Variants in TLR5 observed in about 807,000 individuals in gnomAD.
TLR5 encodes toll-like receptor 5.
For missense variants in TLR5, 944 were observed against 999.8 expected, an observed-to-expected ratio of 0.94 and a Z score of 0.75; for synonymous variants, 373 against 384.4, an observed-to-expected ratio of 0.97 and a Z score of 0.35.
Position 223,112,891 on chromosome 1 carries a change from G to A in TLR5, c.141C>T (p.Thr47=), listed in dbSNP as rs765162260. The change falls in exon 6 of 6, where the codon ACC becomes ACT. Residue 47 remains threonine (T), a synonymous_variant. Transcript: ENST00000642603. ...NLTQVPQVLN[T]TERLLLSFNY... The stretch of plus-strand genomic sequence containing the variant: ...TGAAGCTCAGCAGGAGCCTCTCAGT[G>A]GTGTTGAGGACCTGGGGGACCTGGG... 6.8e-6 allele frequency: 11 copies of A among 1,614,082 alleles called. No homozygotes were observed. Among genetic ancestry groups the A allele is most frequent in the Admixed American group, 5.0e-5 (3 of 60,008 alleles).
Position 223,112,038 on chromosome 1 carries a change from A to C in TLR5, c.994T>G (p.Phe332Val). The change falls in exon 6 of 6, where the codon TTT becomes GTT. Residue 332 changes from phenylalanine to valine, a missense_variant. Coordinates refer to ENST00000642603, the MANE Select transcript of TLR5 (RefSeq NM_003268.6). ...NKINKIADEA[F>V]YGLDNLQVLN... is the part of the protein sequence containing the mutation. ...ACTTGGAGGTTGTCAAGTCCGTAAA[A>C]TGCTTCATCTGCAATCTTATTTATC... 1 of 1,614,216 alleles carries C rather than the reference A, an allele frequency of 6.2e-7. No homozygotes were observed. Among genetic ancestry groups the C allele is most frequent in the Non-Finnish European group, 8.5e-7 (1 of 1,180,038 alleles).
In TLR5 at chr1:223,138,232, C is replaced by T. The variant is rs1264216356; in HGVS notation, c.-438-969G>A. On this transcript the variant is annotated intron_variant, in intron 2 of 5. Coordinates refer to ENST00000642603, the MANE Select transcript of TLR5 (RefSeq NM_003268.6). The stretch of plus-strand genomic sequence containing the variant: ...CCTACCTTGGCCTCCCAAGGTATTA[C>T]AGGCATGAACTACTGTACCCAGCCT... Among the ~76,000 whole-genome samples the T allele has an allele frequency of 2.6e-5, 4 of 151,434 alleles. No individual in the cohort carries two copies. In the South Asian group the frequency reaches 8.3e-4, roughly 32 times the overall value.
In TLR5 at chr1:223,131,480, T is replaced by TC. The variant is rs2102922394; in HGVS notation, c.-5+994dup. Reference sequence around the variant, plus strand: ...TCTCATCTGCTCATCCCATTCCAACTCCCCCGTCAAAGGCCACCTCAGAAG... The same window carrying TC: ...TCTCATCTGCTCATCCCATTCCAACTCCCCCCGTCAAAGGCCACCTCAGAAG... On this transcript the variant is annotated intron_variant, in intron 5 of 5. Transcript: ENST00000642603. This position sits in a 1 kb window ranked among gnomAD's most constrained non-coding sequence, Gnocchi z 4.2. Among the ~76,000 whole-genome samples, 1 of 152,256 alleles carries TC rather than the reference T, an allele frequency of 6.6e-6. No individual in the cohort carries two copies. Among genetic ancestry groups the TC allele is most frequent in the African/African-American group, 2.4e-5 (1 of 41,554 alleles).
chr1:223,113,114 A>G, intron 5 of TLR5, 79 bp from the exon 6 acceptor site: 1 of 1,365,318 alleles, frequency 7.3e-7, no homozygotes, highest in Non-Finnish European at 1.0e-6. Flanking sequence ...TCTTGGGGGT[A>G]TTCTCTATGA....
chr1:223,139,424 C>A (rs1418145), intron 2 of TLR5, among the ~76,000 whole-genome samples: 11,738 of 152,168 alleles, frequency 0.077, 748 homozygotes, highest in African/African-American at 0.17. Flanking sequence ...CTGTTAGAGG[C>A]TGTGCAGGGT....
chr1:223,110,676 C>T lies in TLR5; in HGVS notation c.2356G>A (p.Ala786Thr). The part of the protein sequence containing the change: ...QGRCLSDLNS[A>T]LIMVVVGSLS... ...GACCCAACCACCACCATGATGAGAG[C>T]ACTGTTAAGGTCAGATAAGCACCTG... The change falls in exon 6 of 6, where the codon GCT becomes ACT. Residue 786 changes from alanine (A) to threonine (T), a missense_variant. Transcript: ENST00000642603. 2 of 1,614,142 alleles carry T rather than the reference C, an allele frequency of 1.2e-6. No individual in the cohort carries two copies. The highest frequency in any genetic ancestry group is 2.7e-5 in the African/African-American group (2 of 75,032).
Position 223,110,382 on chromosome 1 carries a change from A to G in TLR5, c.*73T>C. 2 of 1,561,838 alleles carry G rather than the reference A, an allele frequency of 1.3e-6. No individual in the cohort carries two copies. The highest frequency in any genetic ancestry group is 1.8e-6 in the Non-Finnish European group (2 of 1,139,078). On this transcript the variant is annotated 3_prime_UTR_variant, in exon 6 of 6. Coordinates refer to ENST00000642603, the MANE Select transcript of TLR5 (RefSeq NM_003268.6). Reference sequence around the variant, plus strand: ...AAAAAACCTCCAGAGAGGACCCCAAAATGATAACTTGGTGCAAATACAAAG... The same window carrying G: ...AAAAAACCTCCAGAGAGGACCCCAAGATGATAACTTGGTGCAAATACAAAG...
intron 2 of TLR5, among the ~76,000 whole-genome samples, chr1:223,137,696 C>G (rs187712072): frequency 6.6e-6 from 1 of 152,106 alleles, no homozygotes; most frequent in African/African-American, 2.4e-5. Flanking sequence ...GAAATATAAC[C>G]AAGTGAACAA....
At chr1:223,134,947 G>A (rs1414047233) in intron 3 of TLR5, 83 bp from the exon 4 acceptor site, 1 of 152,436 alleles carries the variant, frequency 6.6e-6, no homozygotes, top group Non-Finnish European at 1.5e-5. Context: ...GCTGGGGTGG[G>A]GGTGGTGACC....
In TLR5 at chr1:223,116,313, G is replaced by C. The variant is rs143692976; in HGVS notation, c.-4-3278C>G. 4.6e-3 allele frequency among the ~76,000 whole-genome samples: 707 copies of C among 152,222 alleles called. 21 individuals are homozygous for C. The East Asian group carries it at 0.066, about 14-fold the overall frequency. Reference sequence around the variant, plus strand: ...ACGTGTTCGGAGTTTCTTCCTTCTGGGGGGCTCATGGCCTCGCTGGCTTCA... The same window carrying C: ...ACGTGTTCGGAGTTTCTTCCTTCTGCGGGGCTCATGGCCTCGCTGGCTTCA... On this transcript the variant is annotated intron_variant, in intron 5 of 5. Transcript: ENST00000642603.
At chr1:223,116,263 G>C (rs1366029666) in intron 5 of TLR5, among the ~76,000 whole-genome samples, 1 of 152,124 alleles carries the variant, frequency 6.6e-6, no homozygotes, top group Admixed American at 6.5e-5. Context: ...TGGTGTGTCT[G>C]GGATTTGTTC....
Position 223,111,562 on chromosome 1 carries a change from T to C in TLR5, c.1470A>G (p.Glu490=), listed in dbSNP as rs763433759. 1.9e-6 allele frequency: 3 copies of C among 1,614,022 alleles called. No homozygotes were observed. In the Admixed American group the frequency reaches 5.0e-5, roughly 27 times the overall value. Residue 490 remains glutamate, a synonymous_variant, in exon 6 of 6, where the codon GAA becomes GAG. Transcript: ENST00000642603. ...CAAAAACATCCCAACAGAGCTCAGT[T>C]TCCCAGGCAAGTTGCAACATATTTT... The part of the protein sequence containing the change: ...LGENMLQLAW[E]TELCWDVFEG...
In TLR5 at chr1:223,132,597, A is replaced by G. The variant is rs145406434; in HGVS notation, c.-127T>C. 1 of 152,406 alleles carries G rather than the reference A, an allele frequency of 6.6e-6. No individual in the cohort carries two copies. Among genetic ancestry groups the G allele is most frequent in the African/African-American group, 2.4e-5 (1 of 41,564 alleles). 9.4% of individuals were successfully genotyped at this position (152,406 alleles called of 1,614,324 possible). ...TCTCATCACAGTGATGGTAGTCAGTATTTTATTTTTTGGTGAATCAGGAGA... is the reference window on the plus strand; with the variant it reads ...TCTCATCACAGTGATGGTAGTCAGTGTTTTATTTTTTGGTGAATCAGGAGA... On this transcript the variant is annotated 5_prime_UTR_variant, in exon 5 of 6. Coordinates refer to ENST00000642603, the MANE Select transcript of TLR5 (RefSeq NM_003268.6).
At chr1:223,139,798 T>C (rs1657763573) in intron 2 of TLR5, among the ~76,000 whole-genome samples, 1 of 152,204 alleles carries the variant, frequency 6.6e-6, no homozygotes, top group Non-Finnish European at 1.5e-5. Context: ...TCAAGGCCTC[T>C]AGGAATTGGC....
At position 223,112,602 on chromosome 1, in the gene TLR5, A is replaced by C; in HGVS notation, c.430T>G (p.Leu144Val). Residue 144 changes from leucine to valine, a missense_variant, in exon 6 of 6, where the codon TTA becomes GTA. Leu to Val is a conservative substitution (Grantham distance 32). Transcript: ENST00000642603. Reference sequence around the variant, plus strand: ...AGATCCAAGCGAGTTAAAGCCTTTAAATTTCTGAAATAACCATCTTTCAAT... The same window carrying C: ...AGATCCAAGCGAGTTAAAGCCTTTACATTTCTGAAATAACCATCTTTCAAT... ...AVLKDGYFRN[L>V]KALTRLDLSK... 6.2e-7 allele frequency: 1 copy of C among 1,614,242 alleles called. No individual in the cohort carries two copies. The highest frequency in any genetic ancestry group is 8.5e-7 in the Non-Finnish European group (1 of 1,180,044).
chr1:223,130,803 A>C (rs1173825562), intron 5 of TLR5, among the ~76,000 whole-genome samples: 2 of 152,196 alleles, frequency 1.3e-5, no homozygotes, highest in African/African-American at 4.8e-5. Context: ...CTGGTCAGAC[A>C]CTGCCTGATA....
intron 5 of TLR5, chr1:223,127,717 A>C (rs1002093423): frequency 7.2e-5 from 11 of 152,250 alleles, no homozygotes; most frequent in African/African-American, 2.4e-4. Context: ...GCTCTGCTGG[A>C]GTGATCGCTT....
chr1:223,116,271 T>C (rs914504052), intron 5 of TLR5, among the ~76,000 whole-genome samples: 13 of 152,110 alleles, frequency 8.5e-5, no homozygotes, highest in Admixed American at 2.0e-4. Flanking sequence ...CTGGGATTTG[T>C]TCCTTCTGAT....
intron 5 of TLR5, among the ~76,000 whole-genome samples, chr1:223,115,796 G>A (rs1266423975): frequency 1.3e-5 from 2 of 152,154 alleles, no homozygotes; most frequent in African/African-American, 2.4e-5. Flanking sequence ...GATGTAATGA[G>A]ATTAGAGCAG....
Sources: gnomAD v4.1 joint callset for allele counts (sites outside exome capture counted in the v4.1 genomes callset) on GRCh38, gnomAD v4.1.1 for gene constraint, Gnocchi (gnomAD v3.1) non-coding constraint, MANE v1.5 for transcripts, NCBI Gene and HGNC (gene_info 2026-07-23, HGNC 2026-07-21) for gene names.